STK31: variants seen among roughly 807,000 people sequenced by gnomAD.
The protein encoded by STK31 is serine/threonine kinase 31, also known as serine/threonine-protein kinase 31.
STK31 carries 89 observed loss-of-function variants against 129.7 expected under a neutral mutation model. That is an observed-to-expected ratio of 0.69 (90% CI 0.58 to 0.82). The LOEUF is 0.82. Among genes scored for constraint, STK31 ranks in the 40% least tolerant of loss-of-function variants. The pLI is 0.00. For missense variants in STK31, 1,187 were observed against 1,176.4 expected (o/e 1.01, Z -0.13); for synonymous variants, 448 against 395.3 (o/e 1.13, Z -1.58).
At position 23,710,293 on chromosome 7, in the gene STK31, T is replaced by C. The variant is rs1190433571; in HGVS notation, c.8T>C (p.Val3Ala). Residue 3 changes from valine to alanine, a missense_variant, in exon 1 of 24, where the codon GTC (valine) becomes GCC (alanine). Val to Ala is a moderately conservative substitution (Grantham distance 64). This residue lies in a region of STK31 where 104 missense variants were observed against 98.3 expected (regional missense o/e 1.06). Transcript: ENST00000355870. MW[V>A]QGHSSRASAT... ...GAGGGCCGAAAGTCCAGTATGTGGG[T>C]CCAGGGTCACTCTTCTAGAGCTTCC... is the stretch of plus-strand genomic sequence containing the variant. The C allele has an allele frequency of 6.2e-7, 1 of 1,611,336 alleles. No homozygotes were observed. The highest frequency in any genetic ancestry group is 8.5e-7 in the Non-Finnish European group (1 of 1,179,856).
intron 20 of STK31, among the ~76,000 whole-genome samples, 171 bp from the exon 21 acceptor site, chr7:23,787,803 GTATCAC>G (rs1280737965): frequency 6.6e-6 from 1 of 150,650 alleles, no homozygotes; most frequent in African/African-American, 2.4e-5. Context: ...GGCACACATG[GTATCAC>G]CATTACAAAA....
Position 23,714,046 on chromosome 7 carries a change from A to G in STK31, c.150+1760A>G, listed in dbSNP as rs558233987. Among the ~76,000 whole-genome samples, 22 of 152,264 alleles carry G rather than the reference A, an allele frequency of 1.4e-4. No individual in the cohort carries two copies. In the East Asian group the frequency reaches 2.3e-3, roughly 16 times the overall value. On this transcript the variant is annotated intron_variant, in intron 3 of 23. Coordinates refer to ENST00000355870, the MANE Select transcript of STK31 (RefSeq NM_031414.5). ...CTATGATGTTACAATGGCTAGGACTACACTAGGCAATAGGAATTTTTCAGC... is the reference window on the plus strand; with the variant it reads ...CTATGATGTTACAATGGCTAGGACTGCACTAGGCAATAGGAATTTTTCAGC...
intron 10 of STK31, among the ~76,000 whole-genome samples, chr7:23,759,361 A>G (rs143077345): frequency 1.2e-4 from 19 of 152,368 alleles, no homozygotes; most frequent in African/African-American, 4.6e-4. Context: ...TTATTCTAAA[A>G]TTGACCACAT....
chr7:23,791,263 T>C (rs1791596312), intron 22 of STK31: 1 of 985,054 alleles, frequency 1.0e-6, no homozygotes, highest in South Asian at 4.7e-5. Context: ...AAGCCTTGGG[T>C]ATATTCCTGC....
intron 6 of STK31, among the ~76,000 whole-genome samples, chr7:23,730,808 TTTTG>T (rs1787355872): frequency 1.4e-5 from 2 of 146,422 alleles, no homozygotes; most frequent in African/African-American, 5.0e-5. Context: ...CTGAGAATGT[TTTTG>T]TATGTTTCAA....
intron 23 of STK31, among the ~76,000 whole-genome samples, chr7:23,815,802 T>G (rs1266570378): frequency 6.6e-6 from 1 of 152,058 alleles, no homozygotes; most frequent in African/African-American, 2.4e-5. Flanking sequence ...CCATAAAGAT[T>G]TAAAAATAAT....
At position 23,735,771 on chromosome 7, in the gene STK31, C is replaced by T; in HGVS notation, c.717C>T (p.Pro239=). The change falls in exon 7 of 24, where the codon CCC becomes CCT. Residue 239 remains proline, a synonymous_variant. Coordinates refer to ENST00000355870, the MANE Select transcript of STK31 (RefSeq NM_031414.5). Reference sequence around the variant, plus strand: ...TTGTTCTCAGGAACCTCAAAAGCCCCATTCCTTTGTGGGGGCATAGATCAA... The same window carrying T: ...TTGTTCTCAGGAACCTCAAAAGCCCTATTCCTTTGTGGGGGCATAGATCAA... ...GQLVLRNLKS[P]IPLWGHRSNQ... 6.2e-7 allele frequency: 1 copy of T among 1,614,162 alleles called. No individual in the cohort carries two copies. The highest frequency in any genetic ancestry group is 8.5e-7 in the Non-Finnish European group (1 of 1,180,028).
In STK31 at chr7:23,823,255, C is replaced by A. The variant is rs542060360; in HGVS notation, c.2829+8043C>A. On this transcript the variant is annotated intron_variant, in intron 23 of 23. Transcript: ENST00000355870. ...CTGTTTCTCCACATCATCTCCAGCA[C>A]CTGTTGTTTCCTGACTTTTTAATGA... Among the ~76,000 whole-genome samples the A allele has an allele frequency of 2.6e-5, 4 of 152,244 alleles. No individual in the cohort carries two copies. In the South Asian group the frequency reaches 8.3e-4, roughly 32 times the overall value.
At chr7:23,791,826 C>A (rs557493849) in intron 22 of STK31, among the ~76,000 whole-genome samples, 1 of 152,234 alleles carries the variant, frequency 6.6e-6, no homozygotes, top group South Asian at 2.1e-4. Flanking sequence ...AGCCCAGGGG[C>A]CAGCAAGCAT....
intron 23 of STK31, among the ~76,000 whole-genome samples, chr7:23,823,422 T>C (rs944390626): frequency 1.3e-5 from 2 of 152,230 alleles, no homozygotes; most frequent in Non-Finnish European, 2.9e-5. Context: ...TTCATATCCT[T>C]CATCCACTTT....
At chr7:23,775,840 G>A (rs1014874408) in intron 15 of STK31, among the ~76,000 whole-genome samples, 5 of 152,158 alleles carry the variant, frequency 3.3e-5, no homozygotes, top group Non-Finnish European at 7.3e-5. Context: ...TTGCTTGATT[G>A]CCCTGTCCAG....
chr7:23,749,536 G>A (rs62468635), intron 8 of STK31, among the ~76,000 whole-genome samples: 12 of 148,302 alleles, frequency 8.1e-5, no homozygotes, highest in African/African-American at 2.7e-4. Flanking sequence ...TTTTTTGGGG[G>A]TAGAGACCAT....
At chr7:23,811,025 A>G (rs1008199939) in intron 22 of STK31, 1 of 156,198 alleles carries the variant, frequency 6.4e-6, no homozygotes, top group Non-Finnish European at 1.4e-5. Flanking sequence ...GTCAAAATAA[A>G]TGAAAAACTC....
At chr7:23,818,884 C>T (rs1388874068) in intron 23 of STK31, among the ~76,000 whole-genome samples, 3 of 152,192 alleles carry the variant, frequency 2.0e-5, no homozygotes, top group Non-Finnish European at 2.9e-5. Flanking sequence ...CTCAGCCTCC[C>T]AAAGTTCTGG....
At chr7:23,741,942 C>G (rs748326489) in intron 8 of STK31, among the ~76,000 whole-genome samples, 15 of 152,230 alleles carry the variant, frequency 9.9e-5, no homozygotes, top group Non-Finnish European at 2.1e-4. Flanking sequence ...ATTAAACTCT[C>G]CAAGTGACAC....
chr7:23,725,608 A>T (rs888152859), intron 4 of STK31, among the ~76,000 whole-genome samples: 1 of 152,036 alleles, frequency 6.6e-6, no homozygotes, highest in African/African-American at 2.4e-5. Flanking sequence ...GGCTTACTTC[A>T]TTTTTGTTAC....
At chr7:23,744,767 G>A (rs1030805339) in intron 8 of STK31, among the ~76,000 whole-genome samples, 1 of 152,102 alleles carries the variant, frequency 6.6e-6, no homozygotes. Context: ...GTTAGTGGGG[G>A]CTGCGGAGAA....
intron 23 of STK31, among the ~76,000 whole-genome samples, chr7:23,830,014 A>G (rs562182398): frequency 3.3e-5 from 5 of 152,136 alleles, no homozygotes; most frequent in African/African-American, 1.2e-4. Context: ...CAGTGGTGCA[A>G]TCTTGGCTCA....
At chr7:23,740,567 C>T (rs1787998801) in intron 8 of STK31, among the ~76,000 whole-genome samples, 2 of 151,984 alleles carry the variant, frequency 1.3e-5, no homozygotes, top group Non-Finnish European at 2.9e-5. Context: ...CATACGTATA[C>T]ATGTGCCATG....
Sources: allele counts gnomAD v4.1 joint callset (sites outside exome capture counted in the v4.1 genomes callset), GRCh38; gene constraint gnomAD v4.1.1; regional missense constraint gnomAD v4.1.1; transcripts MANE v1.5; gene names NCBI Gene and HGNC (gene_info 2026-07-23, HGNC 2026-07-21).